The following ASB1 variants were observed in gnomAD, a reference collection of about 807,000 sequenced individuals.
The protein encoded by ASB1 is ankyrin repeat and SOCS box containing 1.
A neutral mutation model predicts 27.7 loss-of-function variants in ASB1; 18 were observed. That is an observed-to-expected ratio of 0.65 (90% confidence interval 0.45 to 0.96). The LOEUF (loss-of-function observed/expected upper bound fraction) is 0.96, where lower values mean the gene tolerates loss of function less well. Ranked by LOEUF, ASB1 falls within the 50% of genes least tolerant of loss-of-function variation. The pLI is 0.00. For synonymous variants in ASB1, 189 were observed against 187.6 expected (o/e 1.01, Z -0.06); for missense variants, 397 against 451.7 (o/e 0.88, Z 1.10).
rs1217224933 is a variant in ASB1, at chr2:238,427,003, C to G, written c.-68C>G. 2.5e-6 allele frequency: 3 copies of G among 1,193,734 alleles called. No individual in the cohort carries two copies. Among genetic ancestry groups the G allele is most frequent in the South Asian group, 7.7e-5 (2 of 25,878 alleles). 73.9% of individuals were successfully genotyped at this position (1,193,734 alleles called of 1,614,324 possible). A position where few individuals can be genotyped will look rare whatever the true frequency, so the allele number is the denominator to read the frequency against. On this transcript the variant is annotated 5_prime_UTR_variant, in exon 1 of 5. Transcript: ENST00000264607. ...TTGCCCTCGGCGCCGGAAGTGGTCG[C>G]GGGTCGTTCTGCTTCCTGCCCGAGG...
chr2:238,436,700 A>G (rs1701977955), intron 3 of ASB1, among the ~76,000 whole-genome samples: 1 of 151,346 alleles, frequency 6.6e-6, no homozygotes, highest in African/African-American at 2.4e-5. Flanking sequence ...ATTGTTGTGA[A>G]TGCTTGAAAC....
rs1702275750 is a variant in ASB1, at chr2:238,451,108, T to A, written c.*4597T>A. ...TCAGTGTGGAATGAAACAGTTTAGA[T>A]GTGTACATGATGCACGTGGGTGGGA... On this transcript the variant is annotated 3_prime_UTR_variant, in exon 5 of 5. Coordinates refer to ENST00000264607, the MANE Select transcript of ASB1 (RefSeq NM_001040445.3). The A allele has an allele frequency of 7.3e-6, 1 of 136,832 alleles. No homozygotes were observed. The highest frequency in any genetic ancestry group is 2.5e-5 in the African/African-American group (1 of 40,254). The allele number at this position is 136,832 out of a possible 1,614,324, so 8.5% of individuals were successfully genotyped here.
intron 3 of ASB1, among the ~76,000 whole-genome samples, chr2:238,437,939 T>C (rs745889611): frequency 1.3e-5 from 2 of 152,242 alleles, no homozygotes; most frequent in South Asian, 2.1e-4. Flanking sequence ...AAGGTTGTTA[T>C]GTTAGAGGGT....
At chr2:238,439,438 C>T (rs1380856926) in intron 3 of ASB1, among the ~76,000 whole-genome samples, 1 of 152,226 alleles carries the variant, frequency 6.6e-6, no homozygotes, top group South Asian at 2.1e-4. Flanking sequence ...GCTGAGGAGA[C>T]GGTTAGAAAG....
Position 238,427,049 on chromosome 2 carries a change from G to A in ASB1, c.-22G>A, listed in dbSNP as rs1701768230. ...CGAGGGGCGTGCGCGGGTCAGGGGC[G>A]GCCGCGGAGGCGGAAGCATCCATGG... is the stretch of plus-strand genomic sequence containing the variant. On this transcript the variant is annotated 5_prime_UTR_variant, in exon 1 of 5. Transcript: ENST00000264607. 1.6e-6 allele frequency: 2 copies of A among 1,258,700 alleles called. No homozygotes were observed. The highest frequency in any genetic ancestry group is 2.0e-6 in the Non-Finnish European group (2 of 1,002,638). 78.0% of individuals were successfully genotyped at this position (1,258,700 alleles called of 1,614,324 possible).
At position 238,452,183 on chromosome 2, in the gene ASB1, G is replaced by A. The variant is rs1702299329; in HGVS notation, c.*5672G>A. ...ACCTGTTTTGACGGTGGGAGGGTGA[G>A]ATGTGAAGATGTGGGATGAACCTGG... On this transcript the variant is annotated 3_prime_UTR_variant, in exon 5 of 5. Transcript: ENST00000264607. The A allele has an allele frequency of 6.6e-6, 1 of 152,176 alleles. No homozygotes were observed. The highest frequency in any genetic ancestry group is 1.5e-5 in the Non-Finnish European group (1 of 68,050). The allele number at this position is 152,176 out of a possible 1,614,324, so 9.4% of individuals were successfully genotyped here.
intron 2 of ASB1, among the ~76,000 whole-genome samples, chr2:238,434,329 T>A (rs1701927176): frequency 6.6e-6 from 1 of 152,246 alleles, no homozygotes; most frequent in Admixed American, 6.5e-5. Flanking sequence ...GAGCAGAGTC[T>A]GCTTGCTCTC....
chr2:238,443,592 C>T (rs989085056), intron 3 of ASB1, among the ~76,000 whole-genome samples: 5 of 152,208 alleles, frequency 3.3e-5, no homozygotes, highest in East Asian at 1.9e-4. Flanking sequence ...CAGCTTTGGC[C>T]GGAGTGCTTC....
chr2:238,446,237 G>A, intron 4 of ASB1, 147 bp from the exon 5 acceptor site: 1 of 889,540 alleles, frequency 1.1e-6, no homozygotes, highest in Non-Finnish European at 1.7e-6. Context: ...ATCAGGAAAA[G>A]CCATCACTTT....
At chr2:238,443,904 G>A (rs1351495553) in intron 3 of ASB1, among the ~76,000 whole-genome samples, 1 of 152,116 alleles carries the variant, frequency 6.6e-6, no homozygotes, top group African/African-American at 2.4e-5. Flanking sequence ...ATATACTTAA[G>A]GATTCTCTTT....
At position 238,433,824 on chromosome 2, in the gene ASB1, G is replaced by A. The variant is rs573037639; in HGVS notation, c.191+129G>A. ...GGAATGTGTTCCAGTTTTAGAGGAC[G>A]GGGATAAAGGAGACTGAGGCAGCAT... On this transcript the variant is annotated intron_variant, in intron 2 of 4. Coordinates refer to ENST00000264607, the MANE Select transcript of ASB1 (RefSeq NM_001040445.3). The A allele has an allele frequency of 2.4e-4, 260 of 1,105,996 alleles. 4 individuals are homozygous for A. In the South Asian group the frequency reaches 3.9e-3, roughly 16 times the overall value. 68.5% of individuals were successfully genotyped at this position (1,105,996 alleles called of 1,614,324 possible).
chr2:238,446,728 C>T lies in ASB1; in HGVS notation c.*217C>T, dbSNP rs1191749305. 7 of 550,994 alleles carry T rather than the reference C, an allele frequency of 1.3e-5. No individual in the cohort carries two copies. Among genetic ancestry groups the T allele is most frequent in the South Asian group, 1.0e-4 (5 of 49,018 alleles). 34.1% of individuals were successfully genotyped at this position (550,994 alleles called of 1,614,324 possible). A position where few individuals can be genotyped will look rare whatever the true frequency, so the allele number is the denominator to read the frequency against. On this transcript the variant is annotated 3_prime_UTR_variant, in exon 5 of 5. Coordinates refer to ENST00000264607, the MANE Select transcript of ASB1 (RefSeq NM_001040445.3). ...TTATACTAAAGTTATTATTGTTTTT[C>T]CCAAGTTCTCTGTTCTGGATTTTCA...
chr2:238,441,055 A>C (rs966299254), intron 3 of ASB1, among the ~76,000 whole-genome samples: 4 of 152,166 alleles, frequency 2.6e-5, no homozygotes, highest in African/African-American at 9.7e-5. Context: ...AGTGTGCCTG[A>C]AAAGAAAGAT....
intron 2 of ASB1, among the ~76,000 whole-genome samples, chr2:238,434,251 T>C (rs949855823): frequency 6.6e-6 from 1 of 152,254 alleles, no homozygotes; most frequent in African/African-American, 2.4e-5. Flanking sequence ...CCCCACAAAA[T>C]GGCTCCAGCC....
intron 1 of ASB1, among the ~76,000 whole-genome samples, chr2:238,432,500 G>A (rs1701888901): frequency 6.6e-6 from 1 of 152,174 alleles, no homozygotes; most frequent in East Asian, 1.9e-4. Context: ...ACCTGTCTGA[G>A]GAGTTTCTTA....
chr2:238,446,353 C>T, intron 4 of ASB1, 31 bp from the exon 5 acceptor site: 1 of 1,560,910 alleles, frequency 6.4e-7, no homozygotes, highest in South Asian at 1.2e-5. Flanking sequence ...GAACCTTCCT[C>T]TATCCCTCTC....
In ASB1 at chr2:238,447,040, C is replaced by T. The variant is rs933375679; in HGVS notation, c.*529C>T. ...TGTCATACACGCCCCTTCCTTGCCCCTTCAGTATTCTCTCTTTGCGATGGA... is the reference window on the plus strand; with the variant it reads ...TGTCATACACGCCCCTTCCTTGCCCTTTCAGTATTCTCTCTTTGCGATGGA... On this transcript the variant is annotated 3_prime_UTR_variant, in exon 5 of 5. Coordinates refer to ENST00000264607, the MANE Select transcript of ASB1 (RefSeq NM_001040445.3). 1 of 160,402 alleles carries T rather than the reference C, an allele frequency of 6.2e-6. No individual in the cohort carries two copies. The highest frequency in any genetic ancestry group is 2.4e-5 in the African/African-American group (1 of 41,452). 9.9% of individuals were successfully genotyped at this position (160,402 alleles called of 1,614,324 possible).
chr2:238,441,090 C>T (rs1428174275), intron 3 of ASB1, among the ~76,000 whole-genome samples: 1 of 151,728 alleles, frequency 6.6e-6, no homozygotes, highest in African/African-American at 2.4e-5. Flanking sequence ...CGCATCATGG[C>T]GCCAGCTGGA....
At chr2:238,429,094 A>G (rs1251606544) in intron 1 of ASB1, among the ~76,000 whole-genome samples, 1 of 152,018 alleles carries the variant, frequency 6.6e-6, no homozygotes, top group Non-Finnish European at 1.5e-5. Context: ...GGACTGTCAA[A>G]CCCTGCAGAG....
Sources: allele counts gnomAD v4.1 joint callset (sites outside exome capture counted in the v4.1 genomes callset), GRCh38; gene constraint gnomAD v4.1.1; transcripts MANE v1.5; gene names NCBI Gene and HGNC (gene_info 2026-07-23, HGNC 2026-07-21).